The following ADAM19 variants were observed in gnomAD, a reference collection of about 807,000 sequenced individuals.
The protein encoded by ADAM19 is ADAM metallopeptidase domain 19, also known as disintegrin and metalloproteinase domain-containing protein 19.
A neutral mutation model predicts 114.7 loss-of-function variants in ADAM19; 65 were observed. That is an observed-to-expected ratio of 0.57 (90% CI 0.46 to 0.70). The LOEUF is 0.70. Ranked by LOEUF, ADAM19 falls within the 30% of genes least tolerant of loss-of-function variation. ADAM19 has a pLI of 0.00. For synonymous variants in ADAM19, 466 were observed against 460.5 expected (o/e 1.01, Z -0.15); for missense variants, 1,063 against 1,204.7 (o/e 0.88, Z 1.74).
At chr5:157,559,311 A>G (rs1367725197) in intron 3 of ADAM19, among the ~76,000 whole-genome samples, 1 of 152,226 alleles carries the variant, frequency 6.6e-6, no homozygotes, top group Non-Finnish European at 1.5e-5. Flanking sequence ...TTGAGGAAGG[A>G]CAGTGTATTG....
chr5:157,515,601 T>C (rs1210939487), intron 7 of ADAM19, among the ~76,000 whole-genome samples: 1 of 152,202 alleles, frequency 6.6e-6, no homozygotes. Context: ...AGTAAAATTT[T>C]GTTTGCAAAA....
Position 157,491,864 on chromosome 5 carries a change from C to T in ADAM19, c.1957G>A (p.Gly653Ser). ...CRNTSFFETE[G>S]CGKKCNGHGV... ...TGGCCATTGCACTTCTTCCCACAGC[C>T]TTCAGTTTCAAAGAAGGAGGTGTTC... The change falls in exon 17 of 23, where the codon GGC becomes AGC. Residue 653 changes from glycine (G) to serine (S), a missense_variant. Gly to Ser is a moderately conservative substitution (Grantham distance 56, BLOSUM62 0). This residue lies in a region of ADAM19 where 424 missense variants were observed against 445.5 expected (regional missense o/e 0.95). Coordinates refer to ENST00000257527, the MANE Select transcript of ADAM19 (RefSeq NM_033274.5). 6.2e-7 allele frequency: 1 copy of T among 1,614,244 alleles called. No homozygotes were observed. Among genetic ancestry groups the T allele is most frequent in the Non-Finnish European group, 8.5e-7 (1 of 1,180,046 alleles).
intron 3 of ADAM19, among the ~76,000 whole-genome samples, chr5:157,561,568 A>T (rs1581356167): frequency 1.3e-5 from 2 of 152,148 alleles, no homozygotes; most frequent in South Asian, 4.1e-4. Context: ...TTCATCATCT[A>T]TTAGGGCCTT....
chr5:157,540,298 C>A (rs1756882975), intron 3 of ADAM19, among the ~76,000 whole-genome samples: 1 of 152,248 alleles, frequency 6.6e-6, no homozygotes, highest in African/African-American at 2.4e-5. Flanking sequence ...CTCATTCCTG[C>A]AGCCCATTTC....
chr5:157,479,193 T>A lies in ADAM19; in HGVS notation c.*1756A>T. The A allele has an allele frequency of 1.0e-6, 1 of 985,832 alleles. No homozygotes were observed. Among genetic ancestry groups the A allele is most frequent in the South Asian group, 4.7e-5 (1 of 21,282 alleles). The allele number at this position is 985,832 out of a possible 1,614,324, so 61.1% of individuals were successfully genotyped here. A position where few individuals can be genotyped will look rare whatever the true frequency, so the allele number is the denominator to read the frequency against. ...GCCACCCTGAGGGAAGAGAAACTCA[T>A]TTTCCTGAGATCTTTCTAAACCCAA... On this transcript the variant is annotated 3_prime_UTR_variant, in exon 23 of 23. Transcript: ENST00000257527.
intron 8 of ADAM19, among the ~76,000 whole-genome samples, chr5:157,510,795 A>T (rs1276781208): frequency 6.6e-6 from 1 of 152,364 alleles, no homozygotes; most frequent in South Asian, 2.1e-4. Flanking sequence ...TAATACATGG[A>T]TATTTTATTA....
chr5:157,519,355 C>T (rs1756203165), intron 6 of ADAM19, among the ~76,000 whole-genome samples: 3 of 152,202 alleles, frequency 2.0e-5, no homozygotes, highest in South Asian at 2.1e-4. Flanking sequence ...GGCAGGGTCT[C>T]GCTCTGTCAC....
chr5:157,506,641 A>C (rs1755750384), intron 10 of ADAM19, among the ~76,000 whole-genome samples: 1 of 152,268 alleles, frequency 6.6e-6, no homozygotes, highest in Non-Finnish European at 1.5e-5. Context: ...ATGAAGTCAG[A>C]GTGAATTTCA....
Position 157,551,411 on chromosome 5 carries a change from C to CAAAAA in ADAM19, c.251+12961_251+12962insTTTTT, listed in dbSNP as rs1307546089. On this transcript the variant is annotated intron_variant, in intron 3 of 22. Transcript: ENST00000257527. Reference sequence around the variant, plus strand: ...AGAGCATGATTCTGTCCCCCCAACCCCAAAAAAAAAAAAAAAAAAAGACCA... The same window carrying CAAAAA: ...AGAGCATGATTCTGTCCCCCCAACCCAAAAACAAAAAAAAAAAAAAAAAAAGACCA... 4.8e-4 allele frequency among the ~76,000 whole-genome samples: 35 copies of CAAAAA among 73,456 alleles called. 1 individual carries two copies. Among genetic ancestry groups the CAAAAA allele is most frequent in the African/African-American group, 6.6e-4 (11 of 16,552 alleles). 48.2% of individuals were successfully genotyped at this position (73,456 alleles called of 152,430 possible).
chr5:157,492,773 C>G (rs2113699932), intron 16 of ADAM19, among the ~76,000 whole-genome samples, 200 bp downstream of exon 16: 1 of 152,296 alleles, frequency 6.6e-6, no homozygotes, highest in South Asian at 2.1e-4. Flanking sequence ...AAGTGCTTTA[C>G]TGGGATGATT....
At chr5:157,561,120 C>A (rs1757497830) in intron 3 of ADAM19, among the ~76,000 whole-genome samples, 1 of 152,258 alleles carries the variant, frequency 6.6e-6, no homozygotes, top group African/African-American at 2.4e-5. Context: ...TGTTTTTCAC[C>A]TGCACTCAAT....
At chr5:157,498,081 C>G (rs371611118) in intron 13 of ADAM19, among the ~76,000 whole-genome samples, 2 of 152,178 alleles carry the variant, frequency 1.3e-5, no homozygotes, top group African/African-American at 4.8e-5. Context: ...AACCAGATGC[C>G]GTGCACATTC....
rs775486306 is a variant in ADAM19 at position 157,488,452 on chromosome 5, T to C, written c.2363A>G (p.Gln788Arg). Residue 788 changes from glutamine (Q) to arginine (R), a missense_variant, in exon 21 of 23, where the codon CAG becomes CGG. Gln to Arg is a conservative substitution (Grantham distance 43). Around this residue, in one of 3 missense-constraint regions of ADAM19, gnomAD observed 424 missense variants for 445.5 expected, o/e 0.95. Coordinates refer to ENST00000257527, the MANE Select transcript of ADAM19 (RefSeq NM_033274.5). ...ATCTGGAGGGGGCCGGGGAGGAGGCTGGGAGGGCTTCCGCAGGATTTCCGG... is the reference window on the plus strand; with the variant it reads ...ATCTGGAGGGGGCCGGGGAGGAGGCCGGGAGGGCTTCCGCAGGATTTCCGG... Reference protein sequence around the residue: ...NTPEILRKPSQPPPRPPPDYL... With the variant: ...NTPEILRKPSRPPPRPPPDYL... 2 of 1,608,858 alleles carry C rather than the reference T, an allele frequency of 1.2e-6. No individual in the cohort carries two copies. The highest frequency in any genetic ancestry group is 2.2e-5 in the East Asian group (1 of 44,748).
Position 157,480,471 on chromosome 5 carries a change from A to G in ADAM19, c.*478T>C. Reference sequence around the variant, plus strand: ...CTGGCTTGACCCTTCCTTAATCCCTAAAAGCTAAAAGGGGTGGGTAAGTAC... The same window carrying G: ...CTGGCTTGACCCTTCCTTAATCCCTGAAAGCTAAAAGGGGTGGGTAAGTAC... On this transcript the variant is annotated 3_prime_UTR_variant, in exon 23 of 23. Coordinates refer to ENST00000257527, the MANE Select transcript of ADAM19 (RefSeq NM_033274.5). 1 of 990,916 alleles carries G rather than the reference A, an allele frequency of 1.0e-6. No individual in the cohort carries two copies. Among genetic ancestry groups the G allele is most frequent in the Non-Finnish European group, 1.2e-6 (1 of 833,532 alleles). 61.4% of individuals were successfully genotyped at this position (990,916 alleles called of 1,614,324 possible).
At chr5:157,510,761 T>C (rs1300354439) in intron 8 of ADAM19, among the ~76,000 whole-genome samples, 4 of 152,266 alleles carry the variant, frequency 2.6e-5, no homozygotes, top group Non-Finnish European at 5.9e-5. Flanking sequence ...TAATATTCTT[T>C]CGTATGGATA....
chr5:157,481,093 A>G, intron 22 of ADAM19, 91 bp from the exon 23 acceptor site: 1 of 1,533,072 alleles, frequency 6.5e-7, no homozygotes, highest in Non-Finnish European at 8.9e-7. Context: ...TTTTAGAAGG[A>G]AGGATGGACC....
chr5:157,519,820 T>C lies in ADAM19; in HGVS notation c.600+19A>G. The C allele has an allele frequency of 6.3e-7, 1 of 1,596,734 alleles. No individual in the cohort carries two copies. The highest frequency in any genetic ancestry group is 8.6e-7 in the Non-Finnish European group (1 of 1,169,436). On this transcript the variant is annotated intron_variant, in intron 6 of 22. Coordinates refer to ENST00000257527, the MANE Select transcript of ADAM19 (RefSeq NM_033274.5). ...CCTGTCCCCAGGTTGATTTCTGCAC[T>C]GAGAGCCTCAAAACTCACCCTGCGA...
chr5:157,489,619 G>C (rs1755080175), intron 19 of ADAM19, among the ~76,000 whole-genome samples: 2 of 152,254 alleles, frequency 1.3e-5, no homozygotes, highest in East Asian at 3.9e-4. Context: ...TTTTCAAATG[G>C]GACACCAAAA....
chr5:157,532,989 G>A (rs143376781), intron 4 of ADAM19, among the ~76,000 whole-genome samples: 27 of 152,032 alleles, frequency 1.8e-4, no homozygotes, highest in African/African-American at 5.5e-4. Context: ...GATAAACATC[G>A]GCAACCAAAT....
Sources: allele counts gnomAD v4.1 joint callset (sites outside exome capture counted in the v4.1 genomes callset), GRCh38; gene constraint gnomAD v4.1.1; regional missense constraint gnomAD v4.1.1; transcripts MANE v1.5; gene names NCBI Gene and HGNC (gene_info 2026-07-23, HGNC 2026-07-21).